The following PIAS1 variants were observed in gnomAD, a reference collection of about 807,000 sequenced individuals.
PIAS1 encodes the protein E3 SUMO-protein ligase PIAS1.
A neutral mutation model predicts 71.3 loss-of-function variants in PIAS1; 6 were observed. The observed-to-expected ratio is 0.08, with a 90% CI of 0.05 to 0.17. The LOEUF is 0.17. PIAS1 is among the 10% of genes least tolerant of loss of function. PIAS1 has a pLI of 1.00. For missense variants in PIAS1, 555 were observed against 793.6 expected (o/e 0.70, Z 3.61); for synonymous variants, 303 against 292.9 (o/e 1.03, Z -0.35).
intron 4 of PIAS1, 50 bp from the exon 5 acceptor site, chr15:68,145,766 A>G: frequency 9.8e-7 from 1 of 1,020,948 alleles, no homozygotes; most frequent in Non-Finnish European, 1.6e-6. Context: ...AATAATACTA[A>G]TGAAGTCATC....
intron 2 of PIAS1, among the ~76,000 whole-genome samples, chr15:68,122,485 A>G (rs1205118166): frequency 2.6e-5 from 4 of 152,316 alleles, no homozygotes; most frequent in Admixed American, 6.5e-5. Flanking sequence ...AGCTAAAAGG[A>G]TAATGTGAGA....
intron 6 of PIAS1, among the ~76,000 whole-genome samples, chr15:68,151,707 C>CACACACACACACACACA (rs140053964): frequency 7.4e-6 from 1 of 134,408 alleles, no homozygotes; most frequent in African/African-American, 2.8e-5. Context: ...CACACACACA[C>CACACACACACACACACA]AAATTAGCTA....
intron 2 of PIAS1, among the ~76,000 whole-genome samples, chr15:68,102,229 T>C (rs1241895857): frequency 6.6e-6 from 1 of 152,230 alleles, no homozygotes; most frequent in Non-Finnish European, 1.5e-5. Context: ...TCCTCCTCCA[T>C]TGAATTACTT....
chr15:68,123,364 A>G (rs1412094942), intron 2 of PIAS1, among the ~76,000 whole-genome samples: 4 of 152,116 alleles, frequency 2.6e-5, no homozygotes, highest in Non-Finnish European at 4.4e-5. Flanking sequence ...AAATTCTTAT[A>G]TGCAATTCTA....
intron 8 of PIAS1, among the ~76,000 whole-genome samples, chr15:68,165,888 T>G (rs970965552): frequency 6.6e-6 from 1 of 152,208 alleles, no homozygotes; most frequent in Non-Finnish European, 1.5e-5. Context: ...TTTCCTGATT[T>G]GTCTGATTGT....
Position 68,174,752 on chromosome 15 carries a change from A to G in PIAS1, c.1169+860A>G, listed in dbSNP as rs2093011706. The stretch of plus-strand genomic sequence containing the variant: ...GTATTTAAGAAAACATAGGAGCCTA[A>G]AGGTGGTAATATCAGAAATTAAGTA... On this transcript the variant is annotated intron_variant, in intron 9 of 13. Transcript: ENST00000249636. The surrounding 1 kb of genome is among the most constrained non-coding windows in gnomAD (Gnocchi z 4.0). 6.6e-6 allele frequency among the ~76,000 whole-genome samples: 1 copy of G among 152,232 alleles called. No individual in the cohort carries two copies. Among genetic ancestry groups the G allele is most frequent in the African/African-American group, 2.4e-5 (1 of 41,458 alleles).
At chr15:68,168,697 A>G (rs185844242) in intron 8 of PIAS1, among the ~76,000 whole-genome samples, 1 of 152,312 alleles carries the variant, frequency 6.6e-6, no homozygotes, top group African/African-American at 2.4e-5. Flanking sequence ...AATCAGGAAT[A>G]TGAGAATTAT....
intron 2 of PIAS1, among the ~76,000 whole-genome samples, chr15:68,138,364 C>T (rs2092747828): frequency 6.6e-6 from 1 of 152,088 alleles, no homozygotes; most frequent in Admixed American, 6.5e-5. Context: ...GTCCATGGCC[C>T]TGAACATTAT....
chr15:68,119,235 A>C (rs753928465), intron 2 of PIAS1, among the ~76,000 whole-genome samples: 182 of 104,370 alleles, frequency 1.7e-3, no homozygotes, highest in Middle Eastern at 4.4e-3. Flanking sequence ...CCCCATCTCT[A>C]CCAAAAAAAA....
At chr15:68,100,365 C>G (rs879661013) in intron 2 of PIAS1, among the ~76,000 whole-genome samples, 3 of 152,124 alleles carry the variant, frequency 2.0e-5, no homozygotes, top group Middle Eastern at 3.2e-3. Flanking sequence ...TAAAAGATAC[C>G]TAACTGTCCT....
At chr15:68,145,003 A>G (rs1221027164) in intron 4 of PIAS1, among the ~76,000 whole-genome samples, 1 of 152,118 alleles carries the variant, frequency 6.6e-6, no homozygotes, top group Non-Finnish European at 1.5e-5. Context: ...CAGGGGTGCT[A>G]TTAGCATTCT....
chr15:68,180,400 A>G lies in PIAS1; in HGVS notation c.1482-812A>G, dbSNP rs924031418. Among the ~76,000 whole-genome samples, 12 of 152,180 alleles carry G rather than the reference A, an allele frequency of 7.9e-5. No homozygotes were observed. In the East Asian group the frequency reaches 1.2e-3, roughly 15 times the overall value. ...GAATGAGCCACCATGCCTGGCCCCA[A>G]AGTTAGTTAAATTATTATTTTTTCC... is the stretch of plus-strand genomic sequence containing the variant. On this transcript the variant is annotated intron_variant, in intron 11 of 13. Coordinates refer to ENST00000249636, the MANE Select transcript of PIAS1 (RefSeq NM_016166.3).
At chr15:68,068,129 T>G (rs1393414393) in intron 1 of PIAS1, among the ~76,000 whole-genome samples, 1 of 152,108 alleles carries the variant, frequency 6.6e-6, no homozygotes, top group Non-Finnish European at 1.5e-5. Flanking sequence ...TCCCAGCACT[T>G]TGGGAGGCTG....
chr15:68,090,925 C>CGGGT (rs1555425126), intron 2 of PIAS1, among the ~76,000 whole-genome samples: 111 of 73,906 alleles, frequency 1.5e-3, no homozygotes, highest in African/African-American at 4.7e-3. Context: ...TAGTCATTTA[C>CGGGT]GGGTGTGTGT....
rs1472095065 is a variant in PIAS1 at position 68,134,523 on chromosome 15, G to A, written c.470-7423G>A. On this transcript the variant is annotated intron_variant, in intron 2 of 13. Coordinates refer to ENST00000249636, the MANE Select transcript of PIAS1 (RefSeq NM_016166.3). ...CCCCCACTGCCCTCCCGGACGGGGC[G>A]GCTGGCCGGGCAGAGGGGATCCTCA... 5.0e-4 allele frequency among the ~76,000 whole-genome samples: 25 copies of A among 49,634 alleles called. 7 individuals are homozygous for A. The East Asian group carries it at 9.7e-3, about 19-fold the overall frequency. 32.6% of individuals were successfully genotyped at this position (49,634 alleles called of 152,430 possible).
intron 6 of PIAS1, among the ~76,000 whole-genome samples, chr15:68,150,862 A>C (rs1432585938): frequency 6.6e-6 from 1 of 152,128 alleles, no homozygotes; most frequent in Non-Finnish European, 1.5e-5. Flanking sequence ...AGATATTCCA[A>C]AATCTGGAAG....
rs563748419 is a variant in PIAS1 at position 68,079,863 on chromosome 15, G to A, written c.25-6443G>A. Among the ~76,000 whole-genome samples the A allele has an allele frequency of 7.9e-5, 12 of 151,520 alleles. No individual in the cohort carries two copies. In the South Asian group the frequency reaches 8.3e-4, roughly 11 times the overall value. On this transcript the variant is annotated intron_variant, in intron 1 of 13. Coordinates refer to ENST00000249636, the MANE Select transcript of PIAS1 (RefSeq NM_016166.3). ...ATTTATTTTTTTGAGACAGAGTTTC[G>A]CTGTTGTTGCCCAGGCTGGAGTACA...
chr15:68,096,908 TTGTG>T (rs904354118), intron 2 of PIAS1, among the ~76,000 whole-genome samples: 1 of 152,164 alleles, frequency 6.6e-6, no homozygotes, highest in Non-Finnish European at 1.5e-5. Flanking sequence ...TTTCATTTTT[TTGTG>T]TGTGTGTAAT....
Position 68,167,259 on chromosome 15 carries a change from G to A in PIAS1, c.1008+2455G>A, listed in dbSNP as rs2092963526. On this transcript the variant is annotated intron_variant, in intron 8 of 13. Transcript: ENST00000249636. This position sits in a 1 kb window ranked among gnomAD's most constrained non-coding sequence, Gnocchi z 4.4. ...ATAATACTTTCATGGGTTTCTATTT[G>A]GCTAAAGGGATAATCCCTTACAGTT... Among the ~76,000 whole-genome samples, 1 of 151,880 alleles carries A rather than the reference G, an allele frequency of 6.6e-6. No individual in the cohort carries two copies. Among genetic ancestry groups the A allele is most frequent in the Non-Finnish European group, 1.5e-5 (1 of 68,002 alleles).
Sources: gnomAD v4.1 joint callset for allele counts (sites outside exome capture counted in the v4.1 genomes callset) on GRCh38, gnomAD v4.1.1 for gene constraint, Gnocchi (gnomAD v3.1) non-coding constraint, MANE v1.5 for transcripts, NCBI Gene and HGNC (gene_info 2026-07-23, HGNC 2026-07-21) for gene names.